The following FOXN3 variants were observed in gnomAD, a reference collection of about 807,000 sequenced individuals.
FOXN3 encodes the protein forkhead box N3.
Under a neutral mutation model 38.4 loss-of-function variants are expected in FOXN3, and 7 were observed. The observed-to-expected ratio is 0.18, with a 90% CI of 0.10 to 0.34. The LOEUF is 0.34. Among genes scored for constraint, FOXN3 ranks in the 10% least tolerant of loss-of-function variants. The pLI is 1.00. For synonymous variants in FOXN3, 230 were observed against 242.2 expected (o/e 0.95, Z 0.47); for missense variants, 456 against 613.4 (o/e 0.74, Z 2.71).
intron 4 of FOXN3, among the ~76,000 whole-genome samples, chr14:89,275,898 T>C (rs1886286037): frequency 6.6e-6 from 1 of 151,904 alleles, no homozygotes; most frequent in Non-Finnish European, 1.5e-5. Flanking sequence ...TAGGTGGGAG[T>C]CTAAGGCAAC....
intron 3 of FOXN3, among the ~76,000 whole-genome samples, chr14:89,323,301 A>AAAAAAAAAG (rs1887947128): frequency 7.0e-6 from 1 of 142,928 alleles, no homozygotes; most frequent in African/African-American, 2.6e-5. Context: ...AAAAAAAAAA[A>AAAAAAAAAG]AAAGAAAGAA....
At chr14:89,552,892 A>T (rs191273109) in intron 1 of FOXN3, among the ~76,000 whole-genome samples, 2 of 152,326 alleles carry the variant, frequency 1.3e-5, no homozygotes, top group African/African-American at 4.8e-5. Flanking sequence ...CTCCGTCTCC[A>T]AAAAGCAAAA....
At chr14:89,616,219 G>C (rs1215850608) in intron 1 of FOXN3, among the ~76,000 whole-genome samples, 1 of 152,012 alleles carries the variant, frequency 6.6e-6, no homozygotes, top group Non-Finnish European at 1.5e-5. Context: ...TGGAGGCTAG[G>C]GGGAGGGGAG....
chr14:89,180,116 T>C (rs1298345539), intron 5 of FOXN3, among the ~76,000 whole-genome samples: 1 of 152,164 alleles, frequency 6.6e-6, no homozygotes, highest in Non-Finnish European at 1.5e-5. Context: ...GATCCGGGGC[T>C]GACAGTGGAG....
intron 1 of FOXN3, among the ~76,000 whole-genome samples, chr14:89,466,655 C>G (rs1453878572): frequency 1.3e-5 from 2 of 152,168 alleles, no homozygotes; most frequent in Non-Finnish European, 2.9e-5. Context: ...GAGGTGTGAA[C>G]AGACTCTCAC....
At chr14:89,329,579 C>T (rs148387433) in intron 3 of FOXN3, among the ~76,000 whole-genome samples, 1,993 of 152,198 alleles carry the variant, frequency 0.013, 45 homozygotes, top group African/African-American at 0.045. Context: ...TGGCCCCTGC[C>T]GGACGCGGTG....
At chr14:89,316,373 T>C (rs749353667) in intron 3 of FOXN3, among the ~76,000 whole-genome samples, 4 of 89,576 alleles carry the variant, frequency 4.5e-5, no homozygotes, top group Non-Finnish European at 4.5e-5. Flanking sequence ...CAAACAATGA[T>C]TCTTCTTCTT....
chr14:89,586,673 C>A (rs1270704762), intron 1 of FOXN3, among the ~76,000 whole-genome samples: 1 of 152,152 alleles, frequency 6.6e-6, no homozygotes, highest in Non-Finnish European at 1.5e-5. Flanking sequence ...GCAGGGGATG[C>A]GGGCAGGTAG....
At chr14:89,351,294 T>C (rs1888962385) in intron 2 of FOXN3, 1 of 152,250 alleles carries the variant, frequency 6.6e-6, no homozygotes, top group Admixed American at 6.5e-5. Flanking sequence ...AATCCCCTTG[T>C]TTCTTTCCAG....
At chr14:89,304,843 G>A (rs116716356) in intron 3 of FOXN3, among the ~76,000 whole-genome samples, 6,238 of 151,592 alleles carry the variant, frequency 0.041, 427 homozygotes, top group African/African-American at 0.14. Context: ...TGGAGCGGGG[G>A]ACCCTGACCC....
At chr14:89,254,524 C>T (rs989930521) in intron 4 of FOXN3, among the ~76,000 whole-genome samples, 4 of 152,112 alleles carry the variant, frequency 2.6e-5, no homozygotes, top group Admixed American at 6.5e-5. Flanking sequence ...AAGGCATGCC[C>T]GGGGATGCTC....
intron 2 of FOXN3, among the ~76,000 whole-genome samples, chr14:89,410,873 CAAAAAAAAAGAG>C: frequency 7.4e-6 from 1 of 135,818 alleles, no homozygotes; most frequent in South Asian, 2.4e-4. Context: ...ACCCTGGTCC[CAAAAAAAAAGAG>C]GAAAAAAAAG....
intron 2 of FOXN3, among the ~76,000 whole-genome samples, chr14:89,379,632 T>C (rs1890582863): frequency 6.6e-6 from 1 of 151,538 alleles, no homozygotes; most frequent in African/African-American, 2.4e-5. Flanking sequence ...TATTTTATTT[T>C]GTTTTGTTTT....
At chr14:89,254,291 C>T (rs1219076553) in intron 4 of FOXN3, among the ~76,000 whole-genome samples, 1 of 152,204 alleles carries the variant, frequency 6.6e-6, no homozygotes, top group Non-Finnish European at 1.5e-5. Context: ...TGCTATCCTG[C>T]CTTCTGCAAG....
At chr14:89,290,515 CT>C in intron 3 of FOXN3, 1 of 509,970 alleles carries the variant, frequency 2.0e-6, no homozygotes, top group Non-Finnish European at 3.8e-6. Flanking sequence ...TTTACTTTCC[CT>C]TTCATCGGGA....
intron 1 of FOXN3, among the ~76,000 whole-genome samples, chr14:89,597,603 A>T (rs1471053902): frequency 1.3e-5 from 2 of 151,998 alleles, no homozygotes; most frequent in African/African-American, 2.4e-5. Flanking sequence ...AGGTCTTATA[A>T]TTGTGTGTGT....
intron 3 of FOXN3, among the ~76,000 whole-genome samples, chr14:89,302,437 T>C (rs915190511): frequency 6.6e-6 from 1 of 152,234 alleles, no homozygotes; most frequent in African/African-American, 2.4e-5. Context: ...TGTTTTACTT[T>C]GTTTTGTTCT....
intron 3 of FOXN3, among the ~76,000 whole-genome samples, chr14:89,319,373 C>A (rs1596180321): frequency 6.6e-6 from 1 of 152,128 alleles, no homozygotes; most frequent in Non-Finnish European, 1.5e-5. Context: ...AGCCCCCACC[C>A]AGGAAAGTCA....
At chr14:89,262,281 C>T (rs1885832801) in intron 4 of FOXN3, among the ~76,000 whole-genome samples, 1 of 152,158 alleles carries the variant, frequency 6.6e-6, no homozygotes, top group Non-Finnish European at 1.5e-5. Flanking sequence ...AGGATGGGGC[C>T]AGCTAGGTAT....
Sources: gnomAD v4.1 joint callset for allele counts (sites outside exome capture counted in the v4.1 genomes callset) on GRCh38, gnomAD v4.1.1 for gene constraint, MANE v1.5 for transcripts, NCBI Gene and HGNC (gene_info 2026-07-23, HGNC 2026-07-21) for gene names.